Variants in SEM1 observed in about 807,000 individuals in gnomAD.
SEM1 encodes SEM1 26S proteasome subunit.
A neutral mutation model predicts 12.7 loss-of-function variants in SEM1; 3 were observed. The observed-to-expected ratio is 0.24, with a 90% CI of 0.11 to 0.61. The LOEUF (loss-of-function observed/expected upper bound fraction) is 0.61. SEM1 is among the 20% of genes least tolerant of loss of function. The pLI is 0.88. For missense variants in SEM1, 59 were observed against 81.3 expected (o/e 0.73, Z 1.06); for synonymous variants, 30 against 27.8 (o/e 1.08, Z -0.25).
chr7:96,588,481 A>C (rs1563074323), intron 2 of SEM1, among the ~76,000 whole-genome samples: 1 of 126,026 alleles, frequency 7.9e-6, no homozygotes, highest in East Asian at 2.6e-4. Flanking sequence ...TTGACATGAT[A>C]GGTATATTAT....
chr7:96,662,276 T>G (rs531450426), intron 2 of SEM1, among the ~76,000 whole-genome samples: 9 of 152,112 alleles, frequency 5.9e-5, no homozygotes, highest in Non-Finnish European at 1.3e-4. Flanking sequence ...CCAACCCAAA[T>G]GACCATCAAT....
intron 2 of SEM1, among the ~76,000 whole-genome samples, chr7:96,595,947 T>C (rs1806985332): frequency 6.6e-6 from 1 of 152,104 alleles, no homozygotes; most frequent in African/African-American, 2.4e-5. Context: ...ACCTCTTCGA[T>C]CAAAGAATAG....
intron 2 of SEM1, among the ~76,000 whole-genome samples, chr7:96,572,583 T>C (rs1806072243): frequency 6.6e-6 from 1 of 152,204 alleles, no homozygotes; most frequent in African/African-American, 2.4e-5. Context: ...TTTCATGTAG[T>C]TGTGCGGTTT....
chr7:96,513,339 C>T (rs1463878191), intron 2 of SEM1, among the ~76,000 whole-genome samples: 1 of 152,186 alleles, frequency 6.6e-6, no homozygotes, highest in African/African-American at 2.4e-5. Context: ...ATTTCTGTTG[C>T]TTAAGCCACC....
intron 1 of SEM1, chr7:96,695,937 T>C (rs980124807): frequency 4.6e-5 from 7 of 151,982 alleles, no homozygotes; most frequent in Non-Finnish European, 7.4e-5. Context: ...AAAAATACTG[T>C]AGAGCCTTAT....
intron 2 of SEM1, among the ~76,000 whole-genome samples, chr7:96,650,684 GCACA>G (rs60189978): frequency 5.3e-5 from 8 of 150,716 alleles, no homozygotes; most frequent in African/African-American, 9.7e-5. Flanking sequence ...ACAGATGCGC[GCACA>G]CACACACACA....
At chr7:96,659,958 T>C (rs150320588) in intron 2 of SEM1, among the ~76,000 whole-genome samples, 18 of 137,446 alleles carry the variant, frequency 1.3e-4, no homozygotes, top group African/African-American at 4.9e-4. Context: ...ATATCAGACA[T>C]CACAGTAAGT....
At chr7:96,526,929 G>A (rs1448527577) in intron 2 of SEM1, among the ~76,000 whole-genome samples, 2 of 152,048 alleles carry the variant, frequency 1.3e-5, no homozygotes, top group African/African-American at 4.8e-5. Context: ...AAAAGGAAAG[G>A]AAGAAGACGT....
intron 2 of SEM1, among the ~76,000 whole-genome samples, chr7:96,611,804 C>T (rs190109184): frequency 5.3e-5 from 8 of 152,208 alleles, no homozygotes; most frequent in South Asian, 2.1e-4. Flanking sequence ...CTTTTCCATC[C>T]GGTGCTAGCT....
intron 2 of SEM1, among the ~76,000 whole-genome samples, chr7:96,639,687 C>T (rs1808530085): frequency 6.6e-6 from 1 of 151,676 alleles, no homozygotes; most frequent in Non-Finnish European, 1.5e-5. Flanking sequence ...TTAGATGCAG[C>T]ACCAAAGGCA....
intron 1 of SEM1, 125 bp downstream of exon 1, chr7:96,709,563 G>C (rs1408868868): frequency 2.4e-6 from 2 of 849,688 alleles, no homozygotes; most frequent in Non-Finnish European, 3.8e-6. Flanking sequence ...AGCGCCTCGA[G>C]TGCCGGCCCT....
chr7:96,598,007 C>T (rs1807059828), intron 2 of SEM1, among the ~76,000 whole-genome samples: 1 of 152,140 alleles, frequency 6.6e-6, no homozygotes, highest in South Asian at 2.1e-4. Flanking sequence ...TATCTCAGTA[C>T]ATGGTTTCCT....
intron 2 of SEM1, among the ~76,000 whole-genome samples, chr7:96,690,427 A>C (rs559417038): frequency 6.6e-6 from 1 of 152,168 alleles, no homozygotes; most frequent in Non-Finnish European, 1.5e-5. Flanking sequence ...CTATCAGCTA[A>C]ATTCTTAGAA....
chr7:96,568,138 G>A (rs927398827), intron 2 of SEM1, among the ~76,000 whole-genome samples: 6 of 151,730 alleles, frequency 4.0e-5, no homozygotes, highest in African/African-American at 1.2e-4. Context: ...CCTGATGCCT[G>A]CAACTTTTGA....
chr7:96,541,431 GT>G (rs55863103), intron 2 of SEM1, among the ~76,000 whole-genome samples: 1,935 of 121,488 alleles, frequency 0.016, 29 homozygotes, highest in Non-Finnish European at 0.024. Flanking sequence ...TTTTTAATGG[GT>G]TTTTTTTTTT....
At chr7:96,576,317 T>C (rs1206893372) in intron 2 of SEM1, among the ~76,000 whole-genome samples, 1 of 152,216 alleles carries the variant, frequency 6.6e-6, no homozygotes, top group African/African-American at 2.4e-5. Context: ...TTTATCTTTA[T>C]TGTGTATTTT....
chr7:96,529,944 TACAAC>T (rs1036208773), intron 2 of SEM1, among the ~76,000 whole-genome samples: 1 of 152,078 alleles, frequency 6.6e-6, no homozygotes, highest in African/African-American at 2.4e-5. Context: ...AAAACAGTTG[TACAAC>T]TTCCTTCCTG....
At position 96,673,876 on chromosome 7, in the gene SEM1, G is replaced by C. The variant is rs371458964; in HGVS notation, c.171-17C>G. ...ACAGTTGCCCTGGAAAACAGACTTT[G>C]TGTAAGCAAACTTTTAAGTATCAAG... is the stretch of plus-strand genomic sequence containing the variant. On this transcript the variant is annotated splice_polypyrimidine_tract_variant and intron_variant, in intron 2 of 2. Transcript: ENST00000413065. 1.5e-4 allele frequency: 112 copies of C among 764,498 alleles called. No homozygotes were observed. The Middle Eastern group carries it at 2.0e-3, about 14-fold the overall frequency. 47.4% of individuals were successfully genotyped at this position (764,498 alleles called of 1,614,324 possible).
At chr7:96,643,069 ATTAG>A (rs1028010808) in intron 2 of SEM1, among the ~76,000 whole-genome samples, 81 of 152,146 alleles carry the variant, frequency 5.3e-4, no homozygotes, top group African/African-American at 1.9e-3. Flanking sequence ...CCTAGTACCC[ATTAG>A]TTATTTTTCC....
Sources: allele counts gnomAD v4.1 joint callset (sites outside exome capture counted in the v4.1 genomes callset), GRCh38; gene constraint gnomAD v4.1.1; transcripts MANE v1.5; gene names NCBI Gene and HGNC (gene_info 2026-07-23, HGNC 2026-07-21).